The following ZDHHC9 variants were observed in gnomAD, a reference collection of about 807,000 sequenced individuals.
ZDHHC9 encodes the protein zDHHC palmitoyltransferase 9, also known as palmitoyltransferase ZDHHC9.
ZDHHC9 carries 3 observed loss-of-function variants against 26.6 expected under a neutral mutation model. That is an observed-to-expected ratio of 0.11 (90% CI 0.05 to 0.29). The LOEUF (loss-of-function observed/expected upper bound fraction) is 0.29, where lower values mean the gene tolerates loss of function less well. Ranked by LOEUF, ZDHHC9 falls within the 10% of genes least tolerant of loss-of-function variation. The pLI is 1.00. For missense variants in ZDHHC9, 146 were observed against 296.4 expected, an observed-to-expected ratio of 0.49 and a Z score of 3.73; for synonymous variants, 111 against 109.4, an observed-to-expected ratio of 1.01 and a Z score of -0.09.
chrX:129,807,724 C>A (rs1424225794), intron 10 of ZDHHC9, among the ~76,000 whole-genome samples: 1 of 111,389 alleles, frequency 9.0e-6, no homozygotes, highest in Middle Eastern at 4.2e-3. Flanking sequence ...GAGGCTGAGG[C>A]AGAAGAATCA....
At position 129,805,032 on chromosome X, in the gene ZDHHC9, G is replaced by C. The variant is rs1037172629; in HGVS notation, c.*1338C>G. The C allele has an allele frequency of 8.9e-6, 1 of 112,777 alleles. No individual in the cohort carries two copies. The highest frequency in any genetic ancestry group is 1.9e-5 in the Non-Finnish European group (1 of 53,334). The allele number at this position is 112,777 out of a possible 1,213,427, so 9.3% of individuals were successfully genotyped here. A position where few individuals can be genotyped will look rare whatever the true frequency, so the allele number is the denominator to read the frequency against. On this transcript the variant is annotated 3_prime_UTR_variant, in exon 11 of 11. Transcript: ENST00000357166. ...GTCATCCAGACAGGACCCTGGCTTA[G>C]AAAGAGGAAAACACAGGTGCTCTAG...
At position 129,810,944 on chromosome X, in the gene ZDHHC9, A is replaced by G. The variant is rs767382430; in HGVS notation, c.939T>C (p.Ser313=). ...AGAGGCTGCTACTGGTCTCTTGAGT[A>G]CTGGGAGGTCGACTTCCACTTTCCT... is the stretch of plus-strand genomic sequence containing the variant. ...PLEESGSRPP[S]TQETSSSLLP... Residue 313 remains serine, a synonymous_variant, in exon 10 of 11, where the codon AGT becomes AGC. Transcript: ENST00000357166. 1.7e-6 allele frequency: 2 copies of G among 1,211,543 alleles called. No homozygotes were observed. The highest frequency in any genetic ancestry group is 3.5e-5 in the South Asian group (2 of 56,970).
intron 4 of ZDHHC9, among the ~76,000 whole-genome samples, chrX:129,826,539 C>T (rs1928020267): frequency 8.9e-6 from 1 of 111,766 alleles, no homozygotes; most frequent in African/African-American, 3.3e-5. Context: ...TGTTAACAAC[C>T]TGCTGTGAGA....
In ZDHHC9 at chrX:129,842,061, C is replaced by A; in HGVS notation, c.-116G>T. 1.1e-6 allele frequency: 1 copy of A among 930,918 alleles called. No individual in the cohort carries two copies. The highest frequency in any genetic ancestry group is 1.5e-6 in the Non-Finnish European group (1 of 648,292). 76.7% of individuals were successfully genotyped at this position (930,918 alleles called of 1,213,427 possible). A position where few individuals can be genotyped will look rare whatever the true frequency, so the allele number is the denominator to read the frequency against. On this transcript the variant is annotated 5_prime_UTR_variant, in exon 3 of 11. Transcript: ENST00000357166. The stretch of plus-strand genomic sequence containing the variant: ...TTCCTGCCGCTGGGTCAAACATCAT[C>A]AAAAGTCCAATTGCTAGCCCTAAGA...
At chrX:129,810,231 C>T (rs1369990650) in intron 10 of ZDHHC9, among the ~76,000 whole-genome samples, 1 of 106,471 alleles carries the variant, frequency 9.4e-6, no homozygotes, top group African/African-American at 3.4e-5. Flanking sequence ...CGCCTGTAAT[C>T]CCAGCTACTC....
intron 3 of ZDHHC9, among the ~76,000 whole-genome samples, chrX:129,832,506 G>A (rs1383139059): frequency 2.7e-5 from 3 of 111,134 alleles, no homozygotes; most frequent in Non-Finnish European, 3.8e-5. Flanking sequence ...AAATAAGGCC[G>A]GGTGCAGTGG....
chrX:129,815,195 A>G (rs1281553938), intron 5 of ZDHHC9, among the ~76,000 whole-genome samples: 1 of 112,044 alleles, frequency 8.9e-6, no homozygotes, highest in Admixed American at 9.5e-5. Flanking sequence ...TACAATATTT[A>G]AAATGGTATG....
rs1032747290 is a variant in ZDHHC9 at position 129,818,999 on chromosome X, C to T, written c.488-4204G>A. On this transcript the variant is annotated intron_variant, in intron 5 of 10. Coordinates refer to ENST00000357166, the MANE Select transcript of ZDHHC9 (RefSeq NM_016032.4). ...CATCCTGGCTAACACGGTGAAATCCCGTCTCTACTAAAAATACAAAAAAAT... is the reference window on the plus strand; with the variant it reads ...CATCCTGGCTAACACGGTGAAATCCTGTCTCTACTAAAAATACAAAAAAAT... 1.5e-4 allele frequency among the ~76,000 whole-genome samples: 16 copies of T among 108,194 alleles called. No individual in the cohort carries two copies. In the Admixed American group the frequency reaches 1.6e-3, roughly 11 times the overall value. The allele number at this position is 108,194 out of a possible 115,157, so 94.0% of individuals were successfully genotyped here. A position where few individuals can be genotyped will look rare whatever the true frequency, so the allele number is the denominator to read the frequency against.
In ZDHHC9 at chrX:129,804,968, TA is replaced by T. The variant is rs1927478370; in HGVS notation, c.*1401del. 1 of 104,063 alleles carries T rather than the reference TA, an allele frequency of 9.6e-6. No individual in the cohort carries two copies. The highest frequency in any genetic ancestry group is 2.0e-5 in the Non-Finnish European group (1 of 51,252). The allele number at this position is 104,063 out of a possible 1,213,427, so 8.6% of individuals were successfully genotyped here. On this transcript the variant is annotated 3_prime_UTR_variant, in exon 11 of 11. Transcript: ENST00000357166. ...TAGACACAGTTTAATCGCCTTCAAA[TA>T]GATGAAAAGTTCTGGTTTACACTCC... is the stretch of plus-strand genomic sequence containing the variant.
intron 5 of ZDHHC9, among the ~76,000 whole-genome samples, chrX:129,821,659 C>T (rs1760423298): frequency 9.2e-6 from 1 of 108,613 alleles, no homozygotes; most frequent in South Asian, 4.1e-4. Flanking sequence ...TGTGGTGGCT[C>T]ATGCCTGTAA....
intron 5 of ZDHHC9, among the ~76,000 whole-genome samples, chrX:129,817,661 C>G (rs1256661260): frequency 9.0e-6 from 1 of 110,633 alleles, no homozygotes; most frequent in African/African-American, 3.3e-5. Flanking sequence ...CCCTAGCAAT[C>G]TCTAATCTTC....
chrX:129,818,638 A>G (rs1349614087), intron 5 of ZDHHC9, among the ~76,000 whole-genome samples: 1 of 112,494 alleles, frequency 8.9e-6, no homozygotes, highest in Non-Finnish European at 1.9e-5. Flanking sequence ...TCATTAAAAT[A>G]ATATATTAAA....
intron 5 of ZDHHC9, among the ~76,000 whole-genome samples, chrX:129,817,042 T>C (rs1927771968): frequency 1.8e-5 from 2 of 109,889 alleles, no homozygotes; most frequent in South Asian, 8.2e-4. Flanking sequence ...GCCCAGCTAA[T>C]TTTTGTATTT....
intron 3 of ZDHHC9, among the ~76,000 whole-genome samples, chrX:129,831,920 A>G (rs1928148087): frequency 9.0e-6 from 1 of 111,412 alleles, no homozygotes; most frequent in African/African-American, 3.3e-5. Flanking sequence ...GTCAAAGGAC[A>G]TAAAATTTCA....
rs571305908 is a variant in ZDHHC9 at position 129,842,208 on chromosome X, T to C, written c.-135-128A>G. ...TGGGGACGGGGAAGTGGGAAAAGTT[T>C]ATTTCCAATTCGTGTTTGTTCTCTA... On this transcript the variant is annotated intron_variant, in intron 2 of 10. Coordinates refer to ENST00000357166, the MANE Select transcript of ZDHHC9 (RefSeq NM_016032.4). The C allele has an allele frequency of 2.4e-4, 98 of 400,594 alleles. No homozygotes were observed. In the South Asian group the frequency reaches 3.6e-3, roughly 15 times the overall value. The allele number at this position is 400,594 out of a possible 1,213,427, so 33.0% of individuals were successfully genotyped here.
intron 6 of ZDHHC9, among the ~76,000 whole-genome samples, chrX:129,814,211 T>C (rs768952574): frequency 9.8e-5 from 11 of 111,941 alleles, no homozygotes; most frequent in African/African-American, 1.3e-4. Context: ...TGTGCACATG[T>C]ACATATGTGG....
intron 3 of ZDHHC9, among the ~76,000 whole-genome samples, chrX:129,835,783 CAAAGAAAAAA>C (rs1369110390): frequency 9.3e-6 from 1 of 108,087 alleles, no homozygotes; most frequent in Admixed American, 1.0e-4. Flanking sequence ...AACTCCGTCT[CAAAGAAAAAA>C]AAAGAAAAAG....
At chrX:129,807,403 G>A (rs1042867063) in intron 10 of ZDHHC9, among the ~76,000 whole-genome samples, 5 of 101,130 alleles carry the variant, frequency 4.9e-5, no homozygotes, top group South Asian at 4.6e-4. Flanking sequence ...CCGAGATTGC[G>A]CCACTGCAGT....
intron 5 of ZDHHC9, among the ~76,000 whole-genome samples, chrX:129,816,766 G>A (rs1303713409): frequency 2.7e-5 from 3 of 111,837 alleles, no homozygotes; most frequent in Admixed American, 9.5e-5. Flanking sequence ...TTGGCAGTAC[G>A]TATCAAGAGC....
Sources: allele counts gnomAD v4.1 joint callset (sites outside exome capture counted in the v4.1 genomes callset), GRCh38; gene constraint gnomAD v4.1.1; transcripts MANE v1.5; gene names NCBI Gene and HGNC (gene_info 2026-07-23, HGNC 2026-07-21).